ABCG8: variants seen among roughly 807,000 people sequenced by gnomAD.
ABCG8 encodes ATP binding cassette subfamily G member 8, also known as ATP-binding cassette sub-family G member 8.
Under a neutral mutation model 71.3 loss-of-function variants are expected in ABCG8, and 81 were observed. The observed-to-expected ratio is 1.14, with a 90% confidence interval of 0.95 to 1.37. ABCG8 has a LOEUF of 1.37. ABCG8 is among the 40% of genes most tolerant of loss of function. The probability of loss-of-function intolerance (pLI) is 0.00; values close to 1 mark genes in which losing one functional copy is unlikely to be tolerated. For missense variants in ABCG8, 1,119 were observed against 866.2 expected (o/e 1.29, Z -3.66); for synonymous variants, 451 against 354.7 (o/e 1.27, Z -3.05).
intron 3 of ABCG8, among the ~76,000 whole-genome samples, chr2:43,849,851 C>A (rs911208581): frequency 6.6e-6 from 1 of 152,122 alleles, no homozygotes; most frequent in African/African-American, 2.4e-5. Context: ...CTGAGAGCCT[C>A]TGCACAGTAA....
chr2:43,873,634 C>G (rs1335179071), intron 8 of ABCG8, among the ~76,000 whole-genome samples, 153 bp from the exon 9 acceptor site: 1 of 152,144 alleles, frequency 6.6e-6, no homozygotes, highest in African/African-American at 2.4e-5. Flanking sequence ...CATCAGTTTT[C>G]TGATTTAATC....
chr2:43,857,494 T>C (rs1669154423), intron 6 of ABCG8, among the ~76,000 whole-genome samples: 1 of 151,726 alleles, frequency 6.6e-6, no homozygotes, highest in Non-Finnish European at 1.5e-5. Context: ...GATAGAATTC[T>C]CACTCTGGAA....
At chr2:43,876,029 G>T (rs1669948234) in intron 11 of ABCG8, among the ~76,000 whole-genome samples, 2 of 152,122 alleles carry the variant, frequency 1.3e-5, no homozygotes, top group African/African-American at 2.4e-5. Flanking sequence ...ATGCACCCAG[G>T]CAGGGCTCAT....
chr2:43,863,107 C>G (rs1398403525), intron 6 of ABCG8, among the ~76,000 whole-genome samples: 1 of 151,488 alleles, frequency 6.6e-6, no homozygotes, highest in East Asian at 1.9e-4. Flanking sequence ...CTCTCACTAT[C>G]TATCTGGATA....
At position 43,844,668 on chromosome 2, in the gene ABCG8, C is replaced by T. The variant is rs573338739; in HGVS notation, c.165+60C>T. 7.9e-5 allele frequency: 111 copies of T among 1,398,698 alleles called. 1 individual carries two copies. In the East Asian group the frequency reaches 1.4e-3, roughly 18 times the overall value. 86.6% of individuals were successfully genotyped at this position (1,398,698 alleles called of 1,614,324 possible). On this transcript the variant is annotated intron_variant, in intron 2 of 12. Transcript: ENST00000272286. ...AGGCAGGGACAGCCAGGAAATTCCC[C>T]GGGTGGAAATAAAAGGGTGGGCCCA...
chr2:43,839,023 T>C lies in ABCG8; in HGVS notation c.-31T>C, dbSNP rs1668457929. 5 of 1,549,762 alleles carry C rather than the reference T, an allele frequency of 3.2e-6. No individual in the cohort carries two copies. The East Asian group carries it at 7.3e-5, about 23-fold the overall frequency. Reference sequence around the variant, plus strand: ...AGGCAGCAGCTGGGTCTAAGAGAGCTGCAGCCCAGGGTCACAGACCTGTGG... The same window carrying C: ...AGGCAGCAGCTGGGTCTAAGAGAGCCGCAGCCCAGGGTCACAGACCTGTGG... On this transcript the variant is annotated 5_prime_UTR_variant, in exon 1 of 13. Transcript: ENST00000272286.
intron 6 of ABCG8, among the ~76,000 whole-genome samples, chr2:43,856,032 C>A (rs1419668088): frequency 6.6e-6 from 1 of 151,832 alleles, no homozygotes; most frequent in Non-Finnish European, 1.5e-5. Flanking sequence ...AATTCTCACT[C>A]TCTGGATAGA....
intron 3 of ABCG8, 101 bp from the exon 4 acceptor site, chr2:43,851,483 C>T (rs1668911981): frequency 1.5e-6 from 2 of 1,348,854 alleles, no homozygotes; most frequent in East Asian, 2.3e-5. Context: ...TCTGCACGGA[C>T]AGAGTAGTCC....
chr2:43,854,457 G>A (rs1669031211), intron 6 of ABCG8, among the ~76,000 whole-genome samples: 2 of 151,978 alleles, frequency 1.3e-5, no homozygotes, highest in African/African-American at 4.8e-5. Context: ...GTGAAACTCT[G>A]TCTCTAATAA....
At chr2:43,869,219 C>G (rs780408276) in intron 6 of ABCG8, among the ~76,000 whole-genome samples, 2 of 143,814 alleles carry the variant, frequency 1.4e-5, no homozygotes, top group African/African-American at 2.6e-5. Context: ...TTCTTACCCT[C>G]TGGGTTGAAC....
chr2:43,879,878 C>G lies in ABCG8; in HGVS notation c.*1965C>G, dbSNP rs1013376668. ...AAGGGGTGTCTGCTAGGCTTCTCCA[C>G]AGCCAAGTTACTATTTTCCCTCCCT... On this transcript the variant is annotated 3_prime_UTR_variant, in exon 13 of 13. Transcript: ENST00000272286. The G allele has an allele frequency of 6.6e-6, 1 of 152,240 alleles. No individual in the cohort carries two copies. The highest frequency in any genetic ancestry group is 6.5e-5 in the Admixed American group (1 of 15,288). The allele number at this position is 152,240 out of a possible 1,614,324, so 9.4% of individuals were successfully genotyped here.
chr2:43,859,667 C>T (rs562044862), intron 6 of ABCG8, among the ~76,000 whole-genome samples: 4 of 151,302 alleles, frequency 2.6e-5, no homozygotes, highest in South Asian at 2.1e-4. Context: ...ATAGAACTCT[C>T]ACTATCTGGA....
Position 43,881,436 on chromosome 2 carries a change from T to C in ABCG8, c.*3523T>C, listed in dbSNP as rs1042399000. The C allele has an allele frequency of 5.9e-5, 9 of 151,854 alleles. No individual in the cohort carries two copies. The highest frequency in any genetic ancestry group is 7.3e-5 in the Non-Finnish European group (5 of 68,142). The allele number at this position is 151,854 out of a possible 1,614,324, so 9.4% of individuals were successfully genotyped here. ...AACAAAGAACCAAGGCTCTCCCGGGTGCGGTGGCTCACGCCTGTAATCCCA... is the reference window on the plus strand; with the variant it reads ...AACAAAGAACCAAGGCTCTCCCGGGCGCGGTGGCTCACGCCTGTAATCCCA... On this transcript the variant is annotated 3_prime_UTR_variant, in exon 13 of 13. Coordinates refer to ENST00000272286, the MANE Select transcript of ABCG8 (RefSeq NM_022437.3).
chr2:43,856,890 G>A (rs1283318491), intron 6 of ABCG8, among the ~76,000 whole-genome samples: 2 of 147,496 alleles, frequency 1.4e-5, no homozygotes, highest in African/African-American at 5.0e-5. Flanking sequence ...CTGTCTGGTA[G>A]AATTCTCACC....
chr2:43,848,022 C>G (rs1572828665), intron 3 of ABCG8: 6 of 152,104 alleles, frequency 3.9e-5, no homozygotes, highest in Admixed American at 3.9e-4. Flanking sequence ...GCCTTGGCCT[C>G]TCAAAGTGCT....
chr2:43,861,887 A>G (rs974275467), intron 6 of ABCG8, among the ~76,000 whole-genome samples: 3 of 150,394 alleles, frequency 2.0e-5, no homozygotes, highest in Non-Finnish European at 4.5e-5. Context: ...TTGAAATCTC[A>G]CTATCTATCT....
chr2:43,874,666 C>T (rs1052055542), intron 10 of ABCG8, among the ~76,000 whole-genome samples, 183 bp downstream of exon 10: 1 of 152,164 alleles, frequency 6.6e-6, no homozygotes, highest in Non-Finnish European at 1.5e-5. Flanking sequence ...TTATTTTAAA[C>T]ATTTACCAAA....
intron 8 of ABCG8, among the ~76,000 whole-genome samples, chr2:43,873,350 G>C (rs1380186089): frequency 6.6e-6 from 1 of 151,826 alleles, no homozygotes; most frequent in East Asian, 1.9e-4. Context: ...CACCACTCCT[G>C]ACTAATTTTT....
rs1670136993 is a variant in ABCG8 at position 43,881,727 on chromosome 2, C to CAAA, written c.*3814_*3815insAAA. The CAAA allele has an allele frequency of 3.3e-5, 4 of 121,460 alleles. No individual in the cohort carries two copies. Among genetic ancestry groups the CAAA allele is most frequent in the African/African-American group, 6.4e-5 (2 of 31,282 alleles). The allele number at this position is 121,460 out of a possible 1,614,324, so 7.5% of individuals were successfully genotyped here. On this transcript the variant is annotated 3_prime_UTR_variant, in exon 13 of 13. Coordinates refer to ENST00000272286, the MANE Select transcript of ABCG8 (RefSeq NM_022437.3). ...TGTCTCAAAAAAAAAAAAAAAAAACCCAAGGCTCTCGAGGCATGCATGCTG... is the reference window on the plus strand; with the variant it reads ...TGTCTCAAAAAAAAAAAAAAAAAACCAAACAAGGCTCTCGAGGCATGCATGCTG...
Sources: allele counts gnomAD v4.1 joint callset (sites outside exome capture counted in the v4.1 genomes callset), GRCh38; gene constraint gnomAD v4.1.1; transcripts MANE v1.5; gene names NCBI Gene and HGNC (gene_info 2026-07-23, HGNC 2026-07-21).